Variants in GRID1 observed in about 807,000 individuals in gnomAD.
GRID1 encodes the protein glutamate ionotropic receptor delta type subunit 1.
Under a neutral mutation model 98.0 loss-of-function variants are expected in GRID1, and 28 were observed. The observed-to-expected ratio is 0.29, with a 90% CI of 0.21 to 0.39. The LOEUF is 0.39. Ranked by LOEUF, GRID1 falls within the 10% of genes least tolerant of loss-of-function variation. The probability of loss-of-function intolerance (pLI) is 1.00; values close to 1 mark genes in which losing one functional copy is unlikely to be tolerated. For synonymous variants in GRID1, 553 were observed against 538.5 expected (o/e 1.03, Z -0.37); for missense variants, 1,111 against 1,340.5 (o/e 0.83, Z 2.67).
At chr10:85,683,874 A>T (rs1282636232) in intron 12 of GRID1, among the ~76,000 whole-genome samples, 1 of 152,180 alleles carries the variant, frequency 6.6e-6, no homozygotes, top group African/African-American at 2.4e-5. Flanking sequence ...TGTGATAAAG[A>T]GTGTCTAACT....
intron 2 of GRID1, among the ~76,000 whole-genome samples, chr10:86,298,515 C>A (rs964215360): frequency 6.6e-6 from 1 of 152,192 alleles, no homozygotes; most frequent in Admixed American, 6.5e-5. Context: ...GGGTGTGGGG[C>A]TATGGGCAGC....
intron 2 of GRID1, among the ~76,000 whole-genome samples, chr10:86,325,976 T>C (rs187260050): frequency 6.6e-6 from 1 of 152,368 alleles, no homozygotes; most frequent in Admixed American, 6.5e-5. Flanking sequence ...GGTATCTACC[T>C]ATGAACTCCA....
chr10:85,854,520 C>T lies in GRID1; in HGVS notation c.1209G>A (p.Glu403=). 1 of 1,613,900 alleles carries T rather than the reference C, an allele frequency of 6.2e-7. No individual in the cohort carries two copies. The highest frequency in any genetic ancestry group is 8.5e-7 in the Non-Finnish European group (1 of 1,179,768). Residue 403 remains glutamate, a synonymous_variant, in exon 8 of 16, where the codon GAG becomes GAA. Transcript: ENST00000327946. The part of the protein sequence containing the change: ...QFEILGTTYS[E]TFGKDMRKLA... ...CCTTGCGCATGTCTTTGCCAAAAGT[C>T]TCACTATAGGTAGTGCCAAGGATTT...
chr10:85,710,605 T>C (rs1223907332), intron 12 of GRID1, among the ~76,000 whole-genome samples: 5 of 152,058 alleles, frequency 3.3e-5, no homozygotes, highest in African/African-American at 1.2e-4. Context: ...GACAAAGGGA[T>C]AATCTGGACT....
intron 2 of GRID1, among the ~76,000 whole-genome samples, chr10:86,329,684 G>A (rs1848109582): frequency 1.3e-5 from 2 of 152,282 alleles, no homozygotes; most frequent in African/African-American, 4.8e-5. Context: ...AGAGGTCCCA[G>A]ACACAAAGTC....
chr10:86,354,090 C>T (rs574345268), intron 2 of GRID1, among the ~76,000 whole-genome samples: 3 of 152,352 alleles, frequency 2.0e-5, no homozygotes, highest in South Asian at 2.1e-4. Flanking sequence ...AGGCCAGGAG[C>T]GGACCCATGG....
intron 2 of GRID1, among the ~76,000 whole-genome samples, chr10:86,250,687 G>C (rs1846810564): frequency 6.6e-6 from 1 of 151,798 alleles, no homozygotes; most frequent in Admixed American, 6.6e-5. Context: ...CGGGAGGTGG[G>C]GGACAGCCCC....
At chr10:85,650,655 C>G (rs577942520) in intron 12 of GRID1, among the ~76,000 whole-genome samples, 1 of 152,256 alleles carries the variant, frequency 6.6e-6, no homozygotes, top group African/African-American at 2.4e-5. Flanking sequence ...AGAGAAGTAG[C>G]TAACCCATGG....
intron 8 of GRID1, among the ~76,000 whole-genome samples, chr10:85,754,288 G>A (rs1917150): frequency 0.67 from 102,538 of 152,076 alleles, 34,735 homozygotes; most frequent in East Asian, 0.81. Context: ...AATTAAACAA[G>A]CATTTATTGA....
chr10:85,914,557 C>T lies in GRID1; in HGVS notation c.780+1629G>A, dbSNP rs373217883. Among the ~76,000 whole-genome samples the T allele has an allele frequency of 1.7e-4, 26 of 152,244 alleles. No individual in the cohort carries two copies. In the East Asian group the frequency reaches 2.3e-3, roughly 14 times the overall value. The stretch of plus-strand genomic sequence containing the variant: ...CCACCTGCACCCCACGGTAAATGGA[C>T]GGTTACTGCACGTCCCCAGCTGCCC... On this transcript the variant is annotated intron_variant, in intron 5 of 15. Transcript: ENST00000327946.
At chr10:86,130,263 T>C (rs774286287) in intron 4 of GRID1, among the ~76,000 whole-genome samples, 1 of 152,220 alleles carries the variant, frequency 6.6e-6, no homozygotes, top group African/African-American at 2.4e-5. Flanking sequence ...CAAGCACAGA[T>C]GGCAGGTGAC....
At chr10:85,618,940 T>C (rs573358308) in intron 14 of GRID1, among the ~76,000 whole-genome samples, 43 of 152,336 alleles carry the variant, frequency 2.8e-4, no homozygotes, top group Admixed American at 6.5e-4. Context: ...AGTTCCTTAG[T>C]ACTGAAATTC....
intron 2 of GRID1, among the ~76,000 whole-genome samples, chr10:86,307,134 T>C (rs946064030): frequency 1.3e-5 from 2 of 152,224 alleles, no homozygotes; most frequent in Non-Finnish European, 2.9e-5. Flanking sequence ...TATTGGGTAT[T>C]GGCAGTTCTA....
At chr10:85,920,627 T>C (rs1283376521) in intron 4 of GRID1, among the ~76,000 whole-genome samples, 3 of 152,194 alleles carry the variant, frequency 2.0e-5, no homozygotes, top group Non-Finnish European at 4.4e-5. Context: ...GTGCTCCCCT[T>C]CAAGGCAGCA....
chr10:85,689,575 A>T (rs1210553744), intron 12 of GRID1, among the ~76,000 whole-genome samples: 1 of 152,178 alleles, frequency 6.6e-6, no homozygotes, highest in Non-Finnish European at 1.5e-5. Context: ...AAACAAAGCT[A>T]TAATTGGAAA....
chr10:85,877,400 C>G (rs202245000), intron 5 of GRID1, among the ~76,000 whole-genome samples: 1 of 152,180 alleles, frequency 6.6e-6, no homozygotes. Flanking sequence ...TCCTCTGAGA[C>G]AAAACTTCCA....
chr10:85,863,571 G>T (rs1843186312), intron 6 of GRID1, among the ~76,000 whole-genome samples: 1 of 152,178 alleles, frequency 6.6e-6, no homozygotes, highest in Non-Finnish European at 1.5e-5. Context: ...AGGTGTTCTG[G>T]TCAGTTATTG....
chr10:85,629,986 C>CT (rs1842957569), intron 13 of GRID1, among the ~76,000 whole-genome samples: 1 of 152,140 alleles, frequency 6.6e-6, no homozygotes, highest in South Asian at 2.1e-4. Flanking sequence ...TTTTCATATG[C>CT]TTGTTGGCCA....
intron 2 of GRID1, among the ~76,000 whole-genome samples, chr10:86,336,804 C>G (rs978528494): frequency 1.3e-5 from 2 of 151,174 alleles, no homozygotes; most frequent in Non-Finnish European, 2.9e-5. Flanking sequence ...CATCTGTAGG[C>G]ATTTCCAGAA....
Sources: allele counts gnomAD v4.1 joint callset (sites outside exome capture counted in the v4.1 genomes callset), GRCh38; gene constraint gnomAD v4.1.1; transcripts MANE v1.5; gene names NCBI Gene and HGNC (gene_info 2026-07-23, HGNC 2026-07-21).